CDH9: variants seen among roughly 807,000 people sequenced by gnomAD.
The protein encoded by CDH9 is cadherin-9.
In CDH9, 28 loss-of-function variants were observed where a neutral mutation model predicts 70.9. That is an observed-to-expected ratio of 0.40 (90% CI 0.29 to 0.54). The LOEUF (loss-of-function observed/expected upper bound fraction) is 0.54, where lower values mean the gene tolerates loss of function less well. CDH9 is among the 20% of genes least tolerant of loss of function. The pLI is 0.59. For missense variants in CDH9, 874 were observed against 984.4 expected (o/e 0.89, Z 1.50); for synonymous variants, 409 against 343.1 (o/e 1.19, Z -2.12).
rs1194650116 is a variant in CDH9 at position 26,924,551 on chromosome 5, T to TA, written c.229-8628_229-8627insT. 4.7e-3 allele frequency among the ~76,000 whole-genome samples: 687 copies of TA among 147,640 alleles called. 10 individuals are homozygous for TA. The East Asian group carries it at 0.061, about 13-fold the overall frequency. Reference sequence around the variant, plus strand: ...TATATTATATATATAAAATAAGTATTTTATATATATGTAATACTTTCAGTT... The same window carrying TA: ...TATATTATATATATAAAATAAGTATTATTATATATATGTAATACTTTCAGTT... On this transcript the variant is annotated intron_variant, in intron 2 of 11. Transcript: ENST00000231021.
intron 2 of CDH9, among the ~76,000 whole-genome samples, chr5:26,952,403 A>T (rs1741862286): frequency 7.4e-6 from 1 of 135,890 alleles, no homozygotes; most frequent in Non-Finnish European, 1.6e-5. Flanking sequence ...TCATGAGGTC[A>T]GGAGATCGAG....
intron 1 of CDH9, among the ~76,000 whole-genome samples, chr5:26,991,918 T>C (rs1742585502): frequency 1.3e-5 from 2 of 152,174 alleles, no homozygotes; most frequent in African/African-American, 2.4e-5. Flanking sequence ...CATTTGGGCA[T>C]AATTAAAAAT....
intron 1 of CDH9, among the ~76,000 whole-genome samples, chr5:27,030,234 C>T (rs572397085): frequency 4.0e-5 from 6 of 151,804 alleles, no homozygotes; most frequent in South Asian, 2.1e-4. Context: ...GTTCATTTCC[C>T]GTAGTAGGGA....
intron 2 of CDH9, among the ~76,000 whole-genome samples, chr5:26,959,284 G>A (rs1741995227): frequency 6.6e-6 from 1 of 152,028 alleles, no homozygotes. Flanking sequence ...TTAGGTCAAT[G>A]CTAAACAAAA....
chr5:26,903,350 T>A, intron 6 of CDH9: 1 of 494,300 alleles, frequency 2.0e-6, no homozygotes, highest in Non-Finnish European at 3.7e-6. Flanking sequence ...GATGGCTGTG[T>A]GTTTATATTT....
At chr5:26,994,119 T>C (rs1267421984) in intron 1 of CDH9, among the ~76,000 whole-genome samples, 1 of 152,178 alleles carries the variant, frequency 6.6e-6, no homozygotes, top group Non-Finnish European at 1.5e-5. Context: ...GCACATTACC[T>C]GCTTGCTATC....
At chr5:27,030,558 A>G (rs1743295108) in intron 1 of CDH9, among the ~76,000 whole-genome samples, 1 of 151,748 alleles carries the variant, frequency 6.6e-6, no homozygotes, top group Non-Finnish European at 1.5e-5. Flanking sequence ...TGAAGTCAAG[A>G]AACACAGGTG....
chr5:26,944,996 T>C lies in CDH9; in HGVS notation c.229-29072A>G, dbSNP rs144522577. Among the ~76,000 whole-genome samples the C allele has an allele frequency of 6.3e-3, 963 of 152,304 alleles. 11 individuals are homozygous for C. Among genetic ancestry groups the C allele is most frequent in the African/African-American group, 0.022 (906 of 41,582 alleles). The stretch of plus-strand genomic sequence containing the variant: ...ACTATCATCCAGGAGGGTTGGATGT[T>C]GGATGTCCCCTTAAAACATTTCTCT... On this transcript the variant is annotated intron_variant, in intron 2 of 11. Coordinates refer to ENST00000231021, the MANE Select transcript of CDH9 (RefSeq NM_016279.4).
At chr5:27,035,675 CGT>C (rs56317555) in intron 1 of CDH9, among the ~76,000 whole-genome samples, 13,862 of 142,612 alleles carry the variant, frequency 0.097, 668 homozygotes, top group African/African-American at 0.13. Flanking sequence ...TTGCTATTGA[CGT>C]GTGTGTGTGT....
intron 2 of CDH9, among the ~76,000 whole-genome samples, chr5:26,939,322 C>T (rs1049594512): frequency 6.6e-6 from 1 of 151,564 alleles, no homozygotes; most frequent in South Asian, 2.1e-4. Flanking sequence ...GACTTAAATA[C>T]AAAAACAAAC....
Position 26,962,813 on chromosome 5 carries a change from C to A in CDH9, c.228+25293G>T, listed in dbSNP as rs146753903. ...TGTTCTCTTCTGTTGTGCTGCCTTCCCGTCAGATAAAAATAACGTTTCTCA... is the reference window on the plus strand; with the variant it reads ...TGTTCTCTTCTGTTGTGCTGCCTTCACGTCAGATAAAAATAACGTTTCTCA... On this transcript the variant is annotated intron_variant, in intron 2 of 11. Coordinates refer to ENST00000231021, the MANE Select transcript of CDH9 (RefSeq NM_016279.4). 1.3e-3 allele frequency among the ~76,000 whole-genome samples: 200 copies of A among 152,030 alleles called. 2 individuals carry two copies. The highest frequency in any genetic ancestry group is 2.2e-3 in the Non-Finnish European group (149 of 67,990).
rs771642548 is a variant in CDH9, at chr5:26,988,296, G to T, written c.38C>A (p.Thr13Asn). 1.4e-5 allele frequency: 23 copies of T among 1,612,972 alleles called. No individual in the cohort carries two copies. Among genetic ancestry groups the T allele is most frequent in the Non-Finnish European group, 1.7e-5 (20 of 1,179,378 alleles). ...GGTGTCAACTGTATGGAACATATAG[G>T]TCCAGATGAATAATGGTATATAATG... ...TYHYIPLFIW[T>N]YMFHTVDTIL... is the part of the protein sequence containing the mutation. The change falls in exon 2 of 12, where the codon ACC becomes AAC. Residue 13 changes from threonine (T) to asparagine (N), a missense_variant. Coordinates refer to ENST00000231021, the MANE Select transcript of CDH9 (RefSeq NM_016279.4).
At chr5:26,883,281 G>A (rs975247487) in intron 11 of CDH9, among the ~76,000 whole-genome samples, 10 of 151,058 alleles carry the variant, frequency 6.6e-5, no homozygotes, top group Non-Finnish European at 1.5e-4. Flanking sequence ...AATAACAATT[G>A]TGTAGTCAAA....
At position 26,969,169 on chromosome 5, in the gene CDH9, C is replaced by T. The variant is rs114937413; in HGVS notation, c.228+18937G>A. Among the ~76,000 whole-genome samples, 976 of 152,258 alleles carry T rather than the reference C, an allele frequency of 6.4e-3. 11 individuals are homozygous for T. Among genetic ancestry groups the T allele is most frequent in the African/African-American group, 0.022 (917 of 41,562 alleles). ...ATAGGAGGTTCCTTTGTTATTATCA[C>T]TAGCTATTTTATTGAGTACAATAAT... On this transcript the variant is annotated intron_variant, in intron 2 of 11. Transcript: ENST00000231021.
At chr5:26,936,018 C>T (rs2127431) in intron 2 of CDH9, among the ~76,000 whole-genome samples, 14,538 of 151,936 alleles carry the variant, frequency 0.096, 874 homozygotes, top group East Asian at 0.17. Context: ...AAATATCATA[C>T]ATTTTCATTC....
chr5:26,993,102 C>CAAAAA (rs34636129), intron 1 of CDH9, among the ~76,000 whole-genome samples: 46 of 104,366 alleles, frequency 4.4e-4, no homozygotes, highest in African/African-American at 1.4e-3. Flanking sequence ...ACTCCGTCTC[C>CAAAAA]AAAAAAAAAA....
chr5:26,916,742 T>C (rs1741156330), intron 2 of CDH9, among the ~76,000 whole-genome samples: 1 of 150,812 alleles, frequency 6.6e-6, no homozygotes, highest in Non-Finnish European at 1.5e-5. Flanking sequence ...GGGCTCTGTA[T>C]TCAGAGAGAC....
chr5:27,011,506 A>C (rs1742953644), intron 1 of CDH9, among the ~76,000 whole-genome samples: 1 of 152,046 alleles, frequency 6.6e-6, no homozygotes, highest in Admixed American at 6.6e-5. Context: ...CAATCTTTGG[A>C]GGGACTATGG....
At chr5:26,938,512 G>A (rs1579463124) in intron 2 of CDH9, among the ~76,000 whole-genome samples, 1 of 151,966 alleles carries the variant, frequency 6.6e-6, no homozygotes, top group East Asian at 1.9e-4. Context: ...AATCGGGTGT[G>A]CAAAATATTG....
Sources: allele counts gnomAD v4.1 joint callset (sites outside exome capture counted in the v4.1 genomes callset), GRCh38; gene constraint gnomAD v4.1.1; transcripts MANE v1.5; gene names NCBI Gene and HGNC (gene_info 2026-07-23, HGNC 2026-07-21).